Variants in PASD1 observed in about 807,000 individuals in gnomAD.
The protein encoded by PASD1 is circadian clock protein PASD1.
In PASD1, 13 loss-of-function variants were observed where a neutral mutation model predicts 58.8. The observed-to-expected ratio is 0.22, with a 90% CI of 0.14 to 0.35. The LOEUF (loss-of-function observed/expected upper bound fraction) is 0.35. Ranked by LOEUF, PASD1 falls within the 10% of genes least tolerant of loss-of-function variation. PASD1 has a pLI of 1.00. For synonymous variants in PASD1, 236 were observed against 216.7 expected, an observed-to-expected ratio of 1.09 and a Z score of -0.78; for missense variants, 734 against 568.3, an observed-to-expected ratio of 1.29 and a Z score of -2.96.
At chrX:151,612,076 T>C (rs1378480992) in intron 4 of PASD1, among the ~76,000 whole-genome samples, 3 of 99,034 alleles carry the variant, frequency 3.0e-5, no homozygotes, top group South Asian at 5.3e-4. Flanking sequence ...GTGTTTGGTT[T>C]TTTGTCCTTG....
intron 8 of PASD1, among the ~76,000 whole-genome samples, chrX:151,628,970 A>G (rs1397674109): frequency 1.8e-5 from 2 of 111,237 alleles, no homozygotes; most frequent in Admixed American, 1.9e-4. Context: ...ATGAGAGTTA[A>G]CTCATGATTT....
At chrX:151,640,824 C>T (rs1360672651) in intron 8 of PASD1, among the ~76,000 whole-genome samples, 1 of 111,861 alleles carries the variant, frequency 8.9e-6, no homozygotes, top group Non-Finnish European at 1.9e-5. Flanking sequence ...GACCACAGAA[C>T]ACTAATCAGA....
At chrX:151,604,608 G>A in intron 2 of PASD1, 38 bp from the exon 3 acceptor site, 1 of 1,007,064 alleles carries the variant, frequency 9.9e-7, no homozygotes, top group Non-Finnish European at 1.4e-6. Flanking sequence ...TCATTTTAAT[G>A]TGACACTGTT....
intron 8 of PASD1, among the ~76,000 whole-genome samples, chrX:151,639,661 G>A (rs975074819): frequency 9.0e-6 from 1 of 111,208 alleles, no homozygotes; most frequent in Non-Finnish European, 1.9e-5. Context: ...TTCTACTCTC[G>A]TACTGACACT....
At chrX:151,657,926 C>T (rs760817720) in intron 9 of PASD1, among the ~76,000 whole-genome samples, 7 of 110,442 alleles carry the variant, frequency 6.3e-5, no homozygotes, top group African/African-American at 2.3e-4. Flanking sequence ...AGCCCTATGG[C>T]CTTTCCCCCA....
rs186316088 is a variant in PASD1, at chrX:151,662,302, A to T, written c.842-1817A>T. On this transcript the variant is annotated intron_variant, in intron 10 of 15. Transcript: ENST00000370357. Reference sequence around the variant, plus strand: ...GCAATCCAATACCGTCATTAAAAAAAAATTGTTCCAGCTTTGGCTCATGGG... The same window carrying T: ...GCAATCCAATACCGTCATTAAAAAATAATTGTTCCAGCTTTGGCTCATGGG... Among the ~76,000 whole-genome samples, 5 of 111,223 alleles carry T rather than the reference A, an allele frequency of 4.5e-5. No homozygotes were observed. In the Admixed American group the frequency reaches 4.8e-4, roughly 11 times the overall value.
chrX:151,655,443 T>C (rs1304682435), intron 9 of PASD1, among the ~76,000 whole-genome samples: 1 of 112,205 alleles, frequency 8.9e-6, no homozygotes, highest in Non-Finnish European at 1.9e-5. Flanking sequence ...TCTTCCACAA[T>C]GGTTGAACTA....
At chrX:151,599,134 TG>T (rs2013362485) in intron 1 of PASD1, among the ~76,000 whole-genome samples, 1 of 112,035 alleles carries the variant, frequency 8.9e-6, no homozygotes, top group East Asian at 2.8e-4. Context: ...AGCATGGGGT[TG>T]GGGGTAAGGT....
intron 8 of PASD1, among the ~76,000 whole-genome samples, chrX:151,627,977 G>C (rs1275485544): frequency 2.7e-5 from 3 of 111,933 alleles, no homozygotes; most frequent in African/African-American, 9.7e-5. Flanking sequence ...ATTTTTTCAT[G>C]TGTCTTTTGG....
At chrX:151,646,231 A>G (rs1602952464) in intron 8 of PASD1, among the ~76,000 whole-genome samples, 1 of 112,055 alleles carries the variant, frequency 8.9e-6, no homozygotes, top group Non-Finnish European at 1.9e-5. Flanking sequence ...GCTTATGGAG[A>G]GGCACAAAAT....
chrX:151,637,034 A>G (rs1390556527), intron 8 of PASD1, among the ~76,000 whole-genome samples: 1 of 112,219 alleles, frequency 8.9e-6, no homozygotes. Context: ...CTTTCTCTCA[A>G]CACAATTCCT....
intron 10 of PASD1, among the ~76,000 whole-genome samples, chrX:151,660,099 A>G (rs759235571): frequency 1.8e-4 from 20 of 112,115 alleles, no homozygotes; most frequent in Non-Finnish European, 2.8e-4. Flanking sequence ...CCTTGAAGGA[A>G]TAGCGTTTTA....
In PASD1 at chrX:151,567,089, T is replaced by TAAATA. The variant is rs1556119150; in HGVS notation, c.-28+3263_-28+3267dup. ...ATAAATAAATAAATAAATAAATAAA[T>TAAATA]AAATAAAATAAAATAAAGTTTCAGA... On this transcript the variant is annotated intron_variant, in intron 1 of 15. Transcript: ENST00000370357. Among the ~76,000 whole-genome samples, 33 of 100,228 alleles carry TAAATA rather than the reference T, an allele frequency of 3.3e-4. No individual in the cohort carries two copies. In the East Asian group the frequency reaches 3.8e-3, roughly 12 times the overall value. 87.0% of individuals were successfully genotyped at this position (100,228 alleles called of 115,157 possible). A position where few individuals can be genotyped will look rare whatever the true frequency, so the allele number is the denominator to read the frequency against.
At chrX:151,594,902 T>C (rs2013298740) in intron 1 of PASD1, among the ~76,000 whole-genome samples, 1 of 111,609 alleles carries the variant, frequency 9.0e-6, no homozygotes, top group Non-Finnish European at 1.9e-5. Flanking sequence ...GGTGTATTTT[T>C]GCTGGATGTA....
chrX:151,652,705 G>A (rs2014147761), intron 9 of PASD1, among the ~76,000 whole-genome samples: 1 of 111,147 alleles, frequency 9.0e-6, no homozygotes, highest in Admixed American at 9.6e-5. Context: ...AGGTGAGAAA[G>A]CTAGCCATGA....
chrX:151,618,031 C>G (rs1418096525), intron 4 of PASD1, among the ~76,000 whole-genome samples: 1 of 111,715 alleles, frequency 9.0e-6, no homozygotes, highest in Non-Finnish European at 1.9e-5. Context: ...ACTAAACCAA[C>G]AAAAGTGTTT....
At chrX:151,613,154 T>A (rs1271472508) in intron 4 of PASD1, among the ~76,000 whole-genome samples, 2 of 111,362 alleles carry the variant, frequency 1.8e-5, no homozygotes, top group South Asian at 7.7e-4. Flanking sequence ...TTCTGAGGGC[T>A]CTGTTCTGTT....
At chrX:151,647,217 G>T (rs1301654513) in intron 8 of PASD1, among the ~76,000 whole-genome samples, 5 of 112,137 alleles carry the variant, frequency 4.5e-5, no homozygotes, top group Non-Finnish European at 9.4e-5. Flanking sequence ...GACATGGTCT[G>T]CAAGGCAGAT....
intron 2 of PASD1, among the ~76,000 whole-genome samples, chrX:151,603,800 G>C (rs745740389): frequency 9.8e-5 from 11 of 111,824 alleles, no homozygotes; most frequent in Admixed American, 2.9e-4. Flanking sequence ...TCCTAGGAAA[G>C]AGTCAGAGAC....
Sources: allele counts gnomAD v4.1 joint callset (sites outside exome capture counted in the v4.1 genomes callset), GRCh38; gene constraint gnomAD v4.1.1; transcripts MANE v1.5; gene names NCBI Gene and HGNC (gene_info 2026-07-23, HGNC 2026-07-21).